SYT1: variants seen among roughly 807,000 people sequenced by gnomAD.
SYT1 encodes synaptotagmin 1, also known as synaptotagmin-1.
In SYT1, 8 loss-of-function variants were observed where a neutral mutation model predicts 44.8. That is an observed-to-expected ratio of 0.18 (90% CI 0.10 to 0.32). SYT1 has a LOEUF of 0.32. Ranked by LOEUF, SYT1 falls within the 10% of genes least tolerant of loss-of-function variation. The pLI, the probability that SYT1 is intolerant of heterozygous loss-of-function variation, is 1.00. For synonymous variants in SYT1, 154 were observed against 188.8 expected, an observed-to-expected ratio of 0.82 and a Z score of 1.51; for missense variants, 286 against 509.3, an observed-to-expected ratio of 0.56 and a Z score of 4.22.
intron 3 of SYT1, among the ~76,000 whole-genome samples, chr12:79,058,695 A>G (rs552583722): frequency 6.6e-6 from 1 of 152,134 alleles, no homozygotes; most frequent in East Asian, 1.9e-4. Flanking sequence ...ATAAACAAAT[A>G]ACTTAAGGAA....
intron 1 of SYT1, among the ~76,000 whole-genome samples, chr12:78,952,823 T>C (rs1310766171): frequency 6.6e-6 from 1 of 152,144 alleles, no homozygotes; most frequent in Non-Finnish European, 1.5e-5. Context: ...TTTTCCTAAG[T>C]AGAGACTGCA....
chr12:78,903,767 T>C (rs1592541390), intron 1 of SYT1, among the ~76,000 whole-genome samples: 1 of 152,112 alleles, frequency 6.6e-6, no homozygotes, highest in South Asian at 2.1e-4. Context: ...TTAATAGGTA[T>C]GTATATTTAT....
intron 3 of SYT1, among the ~76,000 whole-genome samples, chr12:79,149,827 C>G (rs1322903555): frequency 6.6e-6 from 1 of 152,060 alleles, no homozygotes; most frequent in Non-Finnish European, 1.5e-5. Flanking sequence ...CATAATAGAC[C>G]ATAAACTCTA....
At chr12:79,047,920 A>G (rs546718088) in intron 3 of SYT1, among the ~76,000 whole-genome samples, 1 of 152,040 alleles carries the variant, frequency 6.6e-6, no homozygotes, top group East Asian at 1.9e-4. Flanking sequence ...TGATGATAAT[A>G]TAGTTTTCCT....
At chr12:79,253,078 A>G (rs1467265363) in intron 4 of SYT1, among the ~76,000 whole-genome samples, 1 of 152,146 alleles carries the variant, frequency 6.6e-6, no homozygotes, top group African/African-American at 2.4e-5. Context: ...CCAGGTTTCC[A>G]TTATATCTTA....
chr12:79,057,394 C>T (rs1875036392), intron 3 of SYT1, among the ~76,000 whole-genome samples: 1 of 151,726 alleles, frequency 6.6e-6, no homozygotes. Flanking sequence ...TGGTTTCTAA[C>T]TCATATGACC....
intron 5 of SYT1, among the ~76,000 whole-genome samples, chr12:79,291,034 G>A (rs186033402): frequency 9.0e-4 from 137 of 152,172 alleles, no homozygotes; most frequent in Middle Eastern, 3.4e-3. Context: ...AAAACTTCAT[G>A]TACTTATAAC....
chr12:78,951,883 G>A (rs1878986810), intron 1 of SYT1, among the ~76,000 whole-genome samples: 2 of 152,090 alleles, frequency 1.3e-5, no homozygotes, highest in African/African-American at 4.8e-5. Context: ...CATCTCTGGC[G>A]TCTGCACTTC....
chr12:79,319,854 T>C (rs1451643884), intron 8 of SYT1, among the ~76,000 whole-genome samples: 2 of 152,206 alleles, frequency 1.3e-5, no homozygotes, highest in Admixed American at 1.3e-4. Context: ...ATGTCTTCCA[T>C]CTCTTTCATC....
chr12:78,903,040 A>G (rs1875750213), intron 1 of SYT1, among the ~76,000 whole-genome samples: 1 of 152,122 alleles, frequency 6.6e-6, no homozygotes, highest in Non-Finnish European at 1.5e-5. Flanking sequence ...TTTGGCTACA[A>G]TTTTACAGAA....
intron 3 of SYT1, among the ~76,000 whole-genome samples, chr12:79,116,400 T>C (rs548459356): frequency 5.9e-5 from 9 of 152,268 alleles, no homozygotes; most frequent in African/African-American, 2.2e-4. Flanking sequence ...GAGGAAAAGA[T>C]AGGTGAAAAT....
At chr12:79,308,413 A>G (rs987805121) in intron 8 of SYT1, among the ~76,000 whole-genome samples, 8 of 151,970 alleles carry the variant, frequency 5.3e-5, no homozygotes, top group African/African-American at 1.9e-4. Context: ...AATCCCAGCT[A>G]CTCGGGAGGC....
At chr12:78,889,214 G>A (rs534820658) in intron 1 of SYT1, among the ~76,000 whole-genome samples, 2 of 151,706 alleles carry the variant, frequency 1.3e-5, no homozygotes, top group Non-Finnish European at 2.9e-5. Context: ...TTTCTTCAAG[G>A]GTTTCAGAGA....
At chr12:78,926,610 C>T (rs1230122611) in intron 1 of SYT1, 1 of 148,906 alleles carries the variant, frequency 6.7e-6, no homozygotes, top group Admixed American at 6.7e-5. Flanking sequence ...TGGAATAAAC[C>T]AAAAAAAAAG....
chr12:79,429,181 C>G (rs899757311), intron 9 of SYT1, among the ~76,000 whole-genome samples: 1 of 152,134 alleles, frequency 6.6e-6, no homozygotes, highest in Non-Finnish European at 1.5e-5. Context: ...AATATCCAAA[C>G]TATATCACAT....
chr12:78,994,534 A>AT (rs1158976321), intron 2 of SYT1, among the ~76,000 whole-genome samples: 18,079 of 55,654 alleles, frequency 0.32, 3,096 homozygotes, highest in Non-Finnish European at 0.43. Flanking sequence ...TGTTCTGAGG[A>AT]TTTTTTTTTT....
chr12:79,316,086 T>C lies in SYT1; in HGVS notation c.810+16535T>C, dbSNP rs9668603. 5.2e-3 allele frequency among the ~76,000 whole-genome samples: 798 copies of C among 152,324 alleles called. 9 individuals are homozygous for C. Among genetic ancestry groups the C allele is most frequent in the African/African-American group, 0.018 (744 of 41,564 alleles). On this transcript the variant is annotated intron_variant, in intron 8 of 10. Transcript: ENST00000261205. ...TGTTAAGTGTACAGTTCAATGAGTC[T>C]TGACAACGCTATACACAGTGTAACA...
rs138711034 is a variant in SYT1 at position 78,976,346 on chromosome 12, C to T, written c.-216-1453C>T. 2.6e-3 allele frequency among the ~76,000 whole-genome samples: 399 copies of T among 152,262 alleles called. 2 individuals carry two copies. The highest frequency in any genetic ancestry group is 9.4e-3 in the African/African-American group (389 of 41,562). ...GGAGTCAACTATTTCTTGTCTGTAT[C>T]AGCCAGGCAAAATGTTGCTCAGAAG... On this transcript the variant is annotated intron_variant, in intron 1 of 10. Coordinates refer to ENST00000261205, the MANE Select transcript of SYT1 (RefSeq NM_005639.3).
intron 1 of SYT1, among the ~76,000 whole-genome samples, chr12:78,943,666 C>T (rs911345050): frequency 6.6e-6 from 1 of 151,988 alleles, no homozygotes; most frequent in African/African-American, 2.4e-5. Context: ...TAGCCTATGT[C>T]GAATACTAAA....
Sources: allele counts gnomAD v4.1 joint callset (sites outside exome capture counted in the v4.1 genomes callset), GRCh38; gene constraint gnomAD v4.1.1; transcripts MANE v1.5; gene names NCBI Gene and HGNC (gene_info 2026-07-23, HGNC 2026-07-21).